SETBP1: variants seen among roughly 807,000 people sequenced by gnomAD.
SETBP1 encodes SET binding protein 1, also known as SET-binding protein.
SETBP1 carries 9 observed loss-of-function variants against 101.0 expected under a neutral mutation model. The observed-to-expected ratio is 0.09, with a 90% CI of 0.05 to 0.16. The LOEUF (loss-of-function observed/expected upper bound fraction) is 0.16, where lower values mean the gene tolerates loss of function less well. Among genes scored for constraint, SETBP1 ranks in the 10% least tolerant of loss-of-function variants. The pLI is 1.00. For synonymous variants in SETBP1, 818 were observed against 788.5 expected, an observed-to-expected ratio of 1.04 and a Z score of -0.63; for missense variants, 1,858 against 2,033.8, an observed-to-expected ratio of 0.91 and a Z score of 1.66.
intron 3 of SETBP1, among the ~76,000 whole-genome samples, chr18:44,906,616 GTTTA>G (rs574251705): frequency 6.1e-4 from 93 of 152,270 alleles, no homozygotes; most frequent in African/African-American, 1.9e-3. Flanking sequence ...AATTTTATGT[GTTTA>G]TTTGTTTGTA....
intron 3 of SETBP1, among the ~76,000 whole-genome samples, chr18:44,927,791 G>A (rs1003810729): frequency 2.0e-5 from 3 of 152,180 alleles, no homozygotes; most frequent in Non-Finnish European, 4.4e-5. Context: ...GGGATGACTA[G>A]GGTTAAATGG....
Position 44,952,186 on chromosome 18 carries a change from A to G in SETBP1, c.2846A>G (p.Asp949Gly), listed in dbSNP as rs1215395762. 6.2e-7 allele frequency: 1 copy of G among 1,614,168 alleles called. No individual in the cohort carries two copies. Residue 949 changes from aspartate to glycine, a missense_variant, in exon 4 of 6, where the codon GAT (aspartate) becomes GGT (glycine). Transcript: ENST00000649279. ...AAACGGAAAAGCCTGCAAAACCGCGATGACCTCCAGTTTCTGGCAGACCTG... is the reference window on the plus strand; with the variant it reads ...AAACGGAAAAGCCTGCAAAACCGCGGTGACCTCCAGTTTCTGGCAGACCTG... ...KRKRKSLQNRDDLQFLADLEE... is the reference protein window; with the variant it reads ...KRKRKSLQNRGDLQFLADLEE...
chr18:44,756,043 G>A (rs1211831982), intron 2 of SETBP1, among the ~76,000 whole-genome samples: 1 of 151,866 alleles, frequency 6.6e-6, no homozygotes, highest in Non-Finnish European at 1.5e-5. Flanking sequence ...GTGAAACCCC[G>A]TCTCTACTAA....
At chr18:44,836,833 C>T (rs2072504961) in intron 2 of SETBP1, among the ~76,000 whole-genome samples, 1 of 152,198 alleles carries the variant, frequency 6.6e-6, no homozygotes, top group Non-Finnish European at 1.5e-5. Context: ...AGCTTCTCTG[C>T]TCATGTTCCA....
chr18:44,825,904 G>A (rs2072228031), intron 2 of SETBP1, among the ~76,000 whole-genome samples: 1 of 152,200 alleles, frequency 6.6e-6, no homozygotes, highest in African/African-American at 2.4e-5. Flanking sequence ...CCTACTAACT[G>A]TGTGATACAG....
intron 3 of SETBP1, among the ~76,000 whole-genome samples, chr18:44,927,302 C>T (rs1262627218): frequency 6.6e-6 from 1 of 152,172 alleles, no homozygotes; most frequent in Non-Finnish European, 1.5e-5. Flanking sequence ...TCAACCTTCA[C>T]TGTCACCATT....
intron 5 of SETBP1, among the ~76,000 whole-genome samples, chr18:45,045,108 C>A (rs1229596734): frequency 6.6e-6 from 1 of 151,654 alleles, no homozygotes; most frequent in East Asian, 1.9e-4. Context: ...GTGGTGAAAC[C>A]CCGTCTTTAC....
At chr18:44,686,671 G>A (rs2068845670) in intron 1 of SETBP1, among the ~76,000 whole-genome samples, 1 of 152,198 alleles carries the variant, frequency 6.6e-6, no homozygotes, top group Non-Finnish European at 1.5e-5. Flanking sequence ...AATATTGAAA[G>A]TCAATGTTGT....
At chr18:45,033,197 G>A (rs1599474008) in intron 4 of SETBP1, among the ~76,000 whole-genome samples, 1 of 152,150 alleles carries the variant, frequency 6.6e-6, no homozygotes, top group Non-Finnish European at 1.5e-5. Flanking sequence ...GTTTTCAAAA[G>A]TAGTTTTTTC....
rs544205851 is a variant in SETBP1, at chr18:44,777,178, ATGG to A, written c.486+75352_486+75354del. ...CAAAAAATTAAAAAATTAGCTGGAC[ATGG>A]TGGTGTACACCTGTGGTCCCAGCTA... On this transcript the variant is annotated intron_variant, in intron 2 of 5. Transcript: ENST00000649279. Among the ~76,000 whole-genome samples, 314 of 152,208 alleles carry A rather than the reference ATGG, an allele frequency of 2.1e-3. 1 individual carries two copies. The highest frequency in any genetic ancestry group is 3.1e-3 in the Non-Finnish European group (213 of 68,014).
intron 2 of SETBP1, among the ~76,000 whole-genome samples, chr18:44,863,624 A>G (rs1448620869): frequency 6.6e-6 from 1 of 152,214 alleles, no homozygotes; most frequent in Non-Finnish European, 1.5e-5. Flanking sequence ...TACATTGCAA[A>G]TAGAAATGAG....
chr18:44,782,324 T>C (rs145475037), intron 2 of SETBP1, among the ~76,000 whole-genome samples: 2 of 145,138 alleles, frequency 1.4e-5, no homozygotes, highest in Admixed American at 6.9e-5. Context: ...TTTTTTTTTT[T>C]CCAAAAAGAA....
At chr18:45,045,187 G>A (rs1421965400) in intron 5 of SETBP1, among the ~76,000 whole-genome samples, 1 of 152,168 alleles carries the variant, frequency 6.6e-6, no homozygotes, top group African/African-American at 2.4e-5. Flanking sequence ...CACTTGGGAA[G>A]CCAAGGCAGG....
intron 2 of SETBP1, among the ~76,000 whole-genome samples, chr18:44,734,516 A>G (rs1439540347): frequency 6.6e-6 from 1 of 152,226 alleles, no homozygotes; most frequent in East Asian, 1.9e-4. Flanking sequence ...TGTTATTTAA[A>G]GACTTATCTC....
chr18:44,711,965 C>T (rs1426774426), intron 2 of SETBP1, among the ~76,000 whole-genome samples: 1 of 152,170 alleles, frequency 6.6e-6, no homozygotes, highest in Non-Finnish European at 1.5e-5. Flanking sequence ...TTGTATTTTT[C>T]TCCCTGCCTG....
At chr18:44,829,810 C>T (rs977823357) in intron 2 of SETBP1, among the ~76,000 whole-genome samples, 4 of 152,196 alleles carry the variant, frequency 2.6e-5, no homozygotes, top group Non-Finnish European at 5.9e-5. Context: ...ATGCTCAAGG[C>T]CAGATTGTTG....
chr18:44,817,208 C>CGTTACTTT (rs2071998057), intron 2 of SETBP1, among the ~76,000 whole-genome samples: 1 of 152,164 alleles, frequency 6.6e-6, no homozygotes, highest in Non-Finnish European at 1.5e-5. Context: ...AACAGAAGAG[C>CGTTACTTT]GTTACTTTTG....
intron 4 of SETBP1, among the ~76,000 whole-genome samples, chr18:45,013,612 G>A (rs887061509): frequency 3.9e-5 from 6 of 151,982 alleles, no homozygotes; most frequent in African/African-American, 1.4e-4. Context: ...ACTAACTTTT[G>A]TATTTTTAGT....
chr18:44,813,769 T>C (rs1367672689), intron 2 of SETBP1, among the ~76,000 whole-genome samples: 1 of 152,238 alleles, frequency 6.6e-6, no homozygotes, highest in Non-Finnish European at 1.5e-5. Context: ...TCCTGAGTGC[T>C]GCAGATGTAA....
Sources: gnomAD v4.1 joint callset for allele counts (sites outside exome capture counted in the v4.1 genomes callset) on GRCh38, gnomAD v4.1.1 for gene constraint, MANE v1.5 for transcripts, NCBI Gene and HGNC (gene_info 2026-07-23, HGNC 2026-07-21) for gene names.